Variants in GPHN observed in about 807,000 individuals in gnomAD.
GPHN encodes gephyrin.
A neutral mutation model predicts 95.5 loss-of-function variants in GPHN; 17 were observed. The ratio of observed to expected loss-of-function variants is 0.18; its 90% CI spans 0.12 to 0.27. The LOEUF (loss-of-function observed/expected upper bound fraction) is 0.27, where lower values mean the gene tolerates loss of function less well. Among genes scored for constraint, GPHN ranks in the 10% least tolerant of loss-of-function variants. The pLI is 1.00. For synonymous variants in GPHN, 320 were observed against 322.5 expected, an observed-to-expected ratio of 0.99 and a Z score of 0.08; for missense variants, 660 against 978.1, an observed-to-expected ratio of 0.67 and a Z score of 4.34.
At chr14:67,712,475 C>A in the GPHN span, among the ~76,000 whole-genome samples, 17 of 66,624 alleles carry the variant, frequency 2.6e-4, no homozygotes, top group Non-Finnish European at 4.9e-4. Context: ...ATTCAGTCAA[C>A]TGAGAAGAAA....
intron 8 of GPHN, among the ~76,000 whole-genome samples, chr14:66,954,761 T>C (rs2068368390): frequency 6.6e-6 from 1 of 152,196 alleles, no homozygotes; most frequent in Admixed American, 6.5e-5. Context: ...TTTGTCTAGA[T>C]GCCTCTATCA....
chr14:66,680,565 C>G (rs1052967878), intron 1 of GPHN, among the ~76,000 whole-genome samples: 3 of 152,146 alleles, frequency 2.0e-5, no homozygotes, highest in African/African-American at 7.2e-5. Flanking sequence ...AAGAGCTGTG[C>G]TGTTTTTTCT....
chr14:67,514,824 C>T, the GPHN span, among the ~76,000 whole-genome samples: 1 of 152,210 alleles, frequency 6.6e-6, no homozygotes, highest in African/African-American at 2.4e-5. Flanking sequence ...CAACACGCCC[C>T]CCTGTGCGCC....
intron 1 of GPHN, among the ~76,000 whole-genome samples, chr14:66,677,050 A>G (rs181266497): frequency 5.4e-4 from 82 of 152,146 alleles, no homozygotes; most frequent in African/African-American, 1.8e-3. Flanking sequence ...TCCATTTAAT[A>G]TAAGTTTTCT....
At chr14:67,244,941 G>T in the GPHN span, among the ~76,000 whole-genome samples, 2 of 152,120 alleles carry the variant, frequency 1.3e-5, no homozygotes, top group African/African-American at 4.8e-5. Context: ...AAAGGAAAGA[G>T]AGAGGCAGAA....
intron 10 of GPHN, among the ~76,000 whole-genome samples, chr14:67,051,195 A>C (rs543978447): frequency 6.7e-6 from 1 of 150,082 alleles, no homozygotes; most frequent in Non-Finnish European, 1.5e-5. Context: ...TGCCAAGACA[A>C]CTGAGCTCCT....
the GPHN span, chr14:67,472,705 A>T: frequency 1.3e-5 from 2 of 153,036 alleles, no homozygotes; most frequent in South Asian, 2.1e-4. Flanking sequence ...AAGAGCCGCT[A>T]GTGGTAAAGG....
At chr14:67,118,805 G>C (rs886351326) in intron 16 of GPHN, among the ~76,000 whole-genome samples, 3 of 151,836 alleles carry the variant, frequency 2.0e-5, no homozygotes, top group Middle Eastern at 3.4e-3. Context: ...CCTACTTTTA[G>C]GCAAACAGGA....
At chr14:67,412,113 C>T in the GPHN span, 1 of 1,446,132 alleles carries the variant, frequency 6.9e-7, no homozygotes. Context: ...GCGCCTCGCG[C>T]TCCTCGGCAC....
At chr14:67,064,872 T>TTG (rs2075981080) in intron 11 of GPHN, among the ~76,000 whole-genome samples, 1 of 151,978 alleles carries the variant, frequency 6.6e-6, no homozygotes, top group African/African-American at 2.4e-5. Flanking sequence ...TGTCGATCCT[T>TTG]TCAAAAACCA....
At position 66,916,321 on chromosome 14, in the gene GPHN, C is replaced by G. The variant is rs74056520; in HGVS notation, c.456+252C>G. Among the ~76,000 whole-genome samples, 10,900 of 152,114 alleles carry G rather than the reference C, an allele frequency of 0.072. 965 individuals carry two copies. The highest frequency in any genetic ancestry group is 0.2 in the African/African-American group (8,442 of 41,464). ...TTAAAATCAGCCAAGAGAAGAAGTGCATAAGACAACGTCCAGGAATACTAC... is the reference window on the plus strand; with the variant it reads ...TTAAAATCAGCCAAGAGAAGAAGTGGATAAGACAACGTCCAGGAATACTAC... On this transcript the variant is annotated intron_variant, in intron 6 of 22. Transcript: ENST00000478722.
chr14:67,341,023 A>G, the GPHN span, among the ~76,000 whole-genome samples: 3 of 152,106 alleles, frequency 2.0e-5, no homozygotes, highest in Non-Finnish European at 4.4e-5. Context: ...TCGGCTCGCT[A>G]CAACCTCCAC....
chr14:66,599,691 A>G (rs2062144062), intron 1 of GPHN, among the ~76,000 whole-genome samples: 1 of 151,386 alleles, frequency 6.6e-6, no homozygotes, highest in South Asian at 2.1e-4. Flanking sequence ...TGTTTTCTTT[A>G]CTTGTGTTGT....
At chr14:67,100,457 A>T (rs919036217) in intron 12 of GPHN, among the ~76,000 whole-genome samples, 4 of 152,246 alleles carry the variant, frequency 2.6e-5, no homozygotes, top group African/African-American at 9.6e-5. Context: ...CCATTTATAT[A>T]TATATATATG....
the GPHN span, among the ~76,000 whole-genome samples, chr14:67,242,475 A>G: frequency 1.3e-5 from 2 of 152,356 alleles, no homozygotes; most frequent in East Asian, 3.9e-4. Context: ...TGTTTTAATG[A>G]TAGTTTACTA....
intron 4 of GPHN, among the ~76,000 whole-genome samples, chr14:66,836,911 T>TTAGAA (rs1704120287): frequency 6.7e-6 from 1 of 150,238 alleles, no homozygotes; most frequent in East Asian, 2.0e-4. Context: ...CTCACACCAG[T>TTAGAA]TAGAATGGCA....
At chr14:67,303,724 AT>A in the GPHN span, 1 of 698,530 alleles carries the variant, frequency 1.4e-6, no homozygotes, top group East Asian at 2.7e-5. Context: ...TTTTATTTAA[AT>A]AAATATGAAA....
the GPHN span, chr14:67,695,702 A>G: frequency 6.2e-7 from 1 of 1,614,110 alleles, no homozygotes; most frequent in Non-Finnish European, 8.5e-7. Flanking sequence ...GAGCTCAACC[A>G]TCTCTGCCGG....
At chr14:66,908,671 C>G (rs1198852753) in intron 5 of GPHN, among the ~76,000 whole-genome samples, 1 of 151,970 alleles carries the variant, frequency 6.6e-6, no homozygotes, top group African/African-American at 2.4e-5. Context: ...CTGACAAATA[C>G]CTCAGCTAAG....
Sources: gnomAD v4.1 joint callset for allele counts (sites outside exome capture counted in the v4.1 genomes callset) on GRCh38, gnomAD v4.1.1 for gene constraint, MANE v1.5 for transcripts, NCBI Gene and HGNC (gene_info 2026-07-23, HGNC 2026-07-21) for gene names.